MARCHF1: variants seen among roughly 807,000 people sequenced by gnomAD.
The protein encoded by MARCHF1 is E3 ubiquitin-protein ligase MARCHF1.
In MARCHF1, 40 loss-of-function variants were observed where a neutral mutation model predicts 54.2. The ratio of observed to expected loss-of-function variants is 0.74; its 90% CI spans 0.57 to 0.96. The LOEUF (loss-of-function observed/expected upper bound fraction) is 0.96. Ranked by LOEUF, MARCHF1 falls within the 40% of genes least tolerant of loss-of-function variation. The pLI, the probability that MARCHF1 is intolerant of heterozygous loss-of-function variation, is 0.00. For synonymous variants in MARCHF1, 236 were observed against 236.3 expected, an observed-to-expected ratio of 1.00 and a Z score of 0.01; for missense variants, 586 against 656.5, an observed-to-expected ratio of 0.89 and a Z score of 1.17.
intron 3 of MARCHF1, among the ~76,000 whole-genome samples, chr4:163,980,933 A>T (rs1272886904): frequency 6.6e-6 from 1 of 152,230 alleles, no homozygotes; most frequent in East Asian, 1.9e-4. Flanking sequence ...ACTTTCAGCC[A>T]CTAAGCATTC....
chr4:164,090,470 T>C (rs902578504), intron 2 of MARCHF1, among the ~76,000 whole-genome samples: 1 of 152,154 alleles, frequency 6.6e-6, no homozygotes, highest in African/African-American at 2.4e-5. Context: ...AAAAGGTATA[T>C]CTATAAGACA....
intron 4 of MARCHF1, among the ~76,000 whole-genome samples, chr4:163,798,002 T>G (rs1290550340): frequency 6.6e-6 from 1 of 152,184 alleles, no homozygotes; most frequent in Non-Finnish European, 1.5e-5. Context: ...AAAGGTACAG[T>G]CTTCAAGACA....
At chr4:164,101,977 C>T (rs1755573574) in intron 2 of MARCHF1, among the ~76,000 whole-genome samples, 1 of 135,374 alleles carries the variant, frequency 7.4e-6, no homozygotes, top group African/African-American at 2.9e-5. Context: ...GCAGAAGCCT[C>T]AGGAGCCGAT....
chr4:164,076,472 A>G (rs2111103330), intron 2 of MARCHF1, among the ~76,000 whole-genome samples: 1 of 152,320 alleles, frequency 6.6e-6, no homozygotes, highest in South Asian at 2.1e-4. Flanking sequence ...CCCTTTGAAA[A>G]CTGGCATAAG....
intron 3 of MARCHF1, among the ~76,000 whole-genome samples, chr4:163,885,769 C>G (rs1325138717): frequency 6.6e-6 from 1 of 151,546 alleles, no homozygotes; most frequent in East Asian, 1.9e-4. Context: ...GTAATTATTG[C>G]AAAGAAAATA....
At chr4:164,049,576 C>T (rs1754315475) in intron 2 of MARCHF1, among the ~76,000 whole-genome samples, 1 of 152,002 alleles carries the variant, frequency 6.6e-6, no homozygotes, top group South Asian at 2.1e-4. Flanking sequence ...TATAATCTAC[C>T]ACACTGATTT....
chr4:164,216,986 A>T (rs1731952918), intron 1 of MARCHF1, among the ~76,000 whole-genome samples: 1 of 152,230 alleles, frequency 6.6e-6, no homozygotes, highest in African/African-American at 2.4e-5. Context: ...CTTAACCAAT[A>T]GCATGAAAAC....
intron 9 of MARCHF1, among the ~76,000 whole-genome samples, chr4:163,544,668 T>G (rs1223263263): frequency 6.6e-6 from 1 of 152,000 alleles, no homozygotes; most frequent in East Asian, 1.9e-4. Flanking sequence ...AACCTTTCTG[T>G]GTTTTAATCT....
chr4:163,731,104 A>C (rs1362374106), intron 4 of MARCHF1, among the ~76,000 whole-genome samples: 2 of 152,164 alleles, frequency 1.3e-5, no homozygotes, highest in Non-Finnish European at 1.5e-5. Flanking sequence ...ATAAACATTA[A>C]TTATTTTCAG....
At chr4:164,041,814 C>T (rs1345064814) in intron 2 of MARCHF1, among the ~76,000 whole-genome samples, 1 of 152,102 alleles carries the variant, frequency 6.6e-6, no homozygotes, top group Non-Finnish European at 1.5e-5. Flanking sequence ...AAGCATTGAT[C>T]TAAAGATGCA....
At chr4:164,292,891 C>G (rs1734317949) in intron 1 of MARCHF1, among the ~76,000 whole-genome samples, 2 of 152,180 alleles carry the variant, frequency 1.3e-5, no homozygotes, top group South Asian at 4.2e-4. Flanking sequence ...GTTGGTATAT[C>G]AACGTGATTC....
At chr4:163,619,869 C>G (rs911515017) in intron 5 of MARCHF1, among the ~76,000 whole-genome samples, 1 of 151,684 alleles carries the variant, frequency 6.6e-6, no homozygotes, top group African/African-American at 2.4e-5. Context: ...TGATGTAAAA[C>G]AAAATGTGAT....
At chr4:164,072,390 C>T (rs770039869) in intron 2 of MARCHF1, among the ~76,000 whole-genome samples, 33 of 151,952 alleles carry the variant, frequency 2.2e-4, no homozygotes, top group Non-Finnish European at 4.0e-4. Flanking sequence ...CATGGTGAAA[C>T]TGTCTCTACA....
At chr4:164,011,233 G>A (rs1469962802) in intron 2 of MARCHF1, among the ~76,000 whole-genome samples, 2 of 152,034 alleles carry the variant, frequency 1.3e-5, no homozygotes, top group Non-Finnish European at 1.5e-5. Context: ...GTAAGACCTC[G>A]AAAGCACAGG....
chr4:163,813,503 A>G (rs1560767249), intron 4 of MARCHF1, among the ~76,000 whole-genome samples: 1 of 152,172 alleles, frequency 6.6e-6, no homozygotes, highest in East Asian at 1.9e-4. Context: ...TATTACACAC[A>G]TCTGACTTCT....
intron 1 of MARCHF1, among the ~76,000 whole-genome samples, chr4:164,269,335 A>T (rs1463511995): frequency 6.6e-6 from 1 of 152,074 alleles, no homozygotes; most frequent in African/African-American, 2.4e-5. Flanking sequence ...GCAGCATTTC[A>T]GATAAGCCAC....
At chr4:163,871,022 T>G (rs1750157487) in intron 3 of MARCHF1, among the ~76,000 whole-genome samples, 1 of 152,172 alleles carries the variant, frequency 6.6e-6, no homozygotes, top group South Asian at 2.1e-4. Context: ...GATAAATATT[T>G]GAGGTGATGA....
chr4:164,353,891 G>A (rs1578890892), intron 1 of MARCHF1, among the ~76,000 whole-genome samples: 1 of 132,302 alleles, frequency 7.6e-6, no homozygotes, highest in Non-Finnish European at 1.6e-5. Flanking sequence ...AAAAAAGAGA[G>A]AAGAATCAAA....
chr4:164,118,790 T>C (rs1468876775), intron 1 of MARCHF1, among the ~76,000 whole-genome samples: 3 of 150,684 alleles, frequency 2.0e-5, no homozygotes, highest in Non-Finnish European at 4.4e-5. Flanking sequence ...GAAAGTAAAA[T>C]TCAGGTCCAA....
Sources: gnomAD v4.1 joint callset for allele counts (sites outside exome capture counted in the v4.1 genomes callset) on GRCh38, gnomAD v4.1.1 for gene constraint, MANE v1.5 for transcripts, NCBI Gene and HGNC (gene_info 2026-07-23, HGNC 2026-07-21) for gene names.